The following RORA variants were observed in gnomAD, a reference collection of about 807,000 sequenced individuals.
The protein encoded by RORA is nuclear receptor ROR-alpha.
Under a neutral mutation model 69.5 loss-of-function variants are expected in RORA, and 7 were observed. The ratio of observed to expected loss-of-function variants is 0.10; its 90% CI spans 0.06 to 0.19. The LOEUF is 0.19. Among genes scored for constraint, RORA ranks in the 10% least tolerant of loss-of-function variants. RORA has a pLI of 1.00. For missense variants in RORA, 457 were observed against 663.0 expected (o/e 0.69, Z 3.41); for synonymous variants, 261 against 240.8 (o/e 1.08, Z -0.78).
intron 1 of RORA, among the ~76,000 whole-genome samples, chr15:60,828,453 G>T (rs535712609): frequency 1.3e-5 from 2 of 152,192 alleles, no homozygotes; most frequent in Admixed American, 1.3e-4. Flanking sequence ...TCTAGTGCAC[G>T]TAAAGTCTGG....
intron 2 of RORA, among the ~76,000 whole-genome samples, chr15:60,582,552 G>A (rs967082276): frequency 6.6e-6 from 1 of 152,144 alleles, no homozygotes; most frequent in African/African-American, 2.4e-5. Context: ...TATGTAGGGG[G>A]GTTTCCACTA....
intron 1 of RORA, among the ~76,000 whole-genome samples, chr15:60,752,186 A>G (rs560523821): frequency 6.6e-6 from 1 of 152,250 alleles, no homozygotes; most frequent in South Asian, 2.1e-4. Context: ...GGCAGAGAGA[A>G]GCGTCTTAGA....
At chr15:60,746,043 C>T (rs1259302771) in intron 1 of RORA, among the ~76,000 whole-genome samples, 3 of 152,190 alleles carry the variant, frequency 2.0e-5, no homozygotes, top group African/African-American at 7.2e-5. Flanking sequence ...CTGCTGAGTG[C>T]CTTACAGAAT....
At chr15:60,985,625 A>G (rs111965421) in intron 1 of RORA, among the ~76,000 whole-genome samples, 30,322 of 129,582 alleles carry the variant, frequency 0.23, 3,474 homozygotes, top group Middle Eastern at 0.34. Context: ...TCACTCTGTC[A>G]CGAGGCTGGA....
intron 1 of RORA, among the ~76,000 whole-genome samples, chr15:60,974,619 T>C (rs1447010871): frequency 2.0e-5 from 3 of 152,192 alleles, no homozygotes; most frequent in Non-Finnish European, 4.4e-5. Context: ...TCTAAAGGCC[T>C]CATTCATTCC....
At chr15:60,622,773 TG>T (rs1254306899) in intron 2 of RORA, among the ~76,000 whole-genome samples, 6 of 152,166 alleles carry the variant, frequency 3.9e-5, no homozygotes, top group Non-Finnish European at 2.9e-5. Flanking sequence ...TGGGGTGCAG[TG>T]GCAAAATCTT....
chr15:60,495,081 C>CA lies in RORA; in HGVS notation c.*2373dup, dbSNP rs1160585173. 5 of 151,064 alleles carry CA rather than the reference C, an allele frequency of 3.3e-5. No homozygotes were observed. The highest frequency in any genetic ancestry group is 1.9e-4 in the East Asian group (1 of 5,170). The allele number at this position is 151,064 out of a possible 1,614,324, so 9.4% of individuals were successfully genotyped here. On this transcript the variant is annotated 3_prime_UTR_variant, in exon 11 of 11. Transcript: ENST00000335670. ...CCCCAAATTTAGTGAATCTGAATGA[C>CA]AAAAAAACAAAACAAAACCAAAACC...
intron 1 of RORA, among the ~76,000 whole-genome samples, chr15:60,757,298 C>G (rs146417817): frequency 7.2e-5 from 11 of 152,210 alleles, no homozygotes; most frequent in Non-Finnish European, 1.5e-4. Context: ...TTCTTTTCCT[C>G]AAATCCATAA....
At chr15:60,785,680 A>G (rs1257094154) in intron 1 of RORA, among the ~76,000 whole-genome samples, 1 of 152,162 alleles carries the variant, frequency 6.6e-6, no homozygotes, top group Non-Finnish European at 1.5e-5. Context: ...CCTCAAATAC[A>G]TAATCCTTCC....
chr15:60,536,057 C>T (rs1407268017), intron 2 of RORA, among the ~76,000 whole-genome samples: 1 of 152,170 alleles, frequency 6.6e-6, no homozygotes, highest in African/African-American at 2.4e-5. Flanking sequence ...CATCAACCTT[C>T]TAGGCCACTG....
At chr15:60,761,942 A>C (rs2071900225) in intron 1 of RORA, among the ~76,000 whole-genome samples, 1 of 152,186 alleles carries the variant, frequency 6.6e-6, no homozygotes, top group Non-Finnish European at 1.5e-5. Flanking sequence ...AATGAAAAAA[A>C]AAAAGTCTAG....
intron 1 of RORA, among the ~76,000 whole-genome samples, chr15:60,813,380 G>C (rs2072769393): frequency 6.6e-6 from 1 of 152,212 alleles, no homozygotes; most frequent in Non-Finnish European, 1.5e-5. Context: ...GGTTGTGCAT[G>C]ACGGGCTGTG....
At chr15:61,215,022 G>A (rs1309826097) in intron 1 of RORA, among the ~76,000 whole-genome samples, 8 of 139,608 alleles carry the variant, frequency 5.7e-5, no homozygotes, top group East Asian at 2.1e-4. Flanking sequence ...CCGCCACCAC[G>A]CCCAGCTAAT....
chr15:60,678,518 A>G, intron 2 of RORA, 139 bp downstream of exon 2: 1 of 708,828 alleles, frequency 1.4e-6, no homozygotes, highest in Non-Finnish European at 2.5e-6. Flanking sequence ...CGACCACTAC[A>G]GATTGAAAAA....
intron 1 of RORA, among the ~76,000 whole-genome samples, chr15:60,998,046 A>G (rs1894616117): frequency 1.3e-5 from 2 of 152,254 alleles, no homozygotes; most frequent in South Asian, 4.1e-4. Context: ...AATCCACTCT[A>G]GAGACCAATA....
intron 2 of RORA, among the ~76,000 whole-genome samples, chr15:60,622,382 G>A (rs144638148): frequency 1.4e-4 from 21 of 152,260 alleles, no homozygotes; most frequent in African/African-American, 4.6e-4. Context: ...GGAGGCTGAG[G>A]TGGGCAGATT....
chr15:60,510,939 A>G (rs2065676550), intron 5 of RORA, among the ~76,000 whole-genome samples: 1 of 152,144 alleles, frequency 6.6e-6, no homozygotes, highest in South Asian at 2.1e-4. Context: ...ACCACTAATG[A>G]AGTTAATGTA....
At chr15:60,877,699 C>A (rs1442053671) in intron 1 of RORA, among the ~76,000 whole-genome samples, 6 of 152,064 alleles carry the variant, frequency 3.9e-5, no homozygotes, top group Admixed American at 3.9e-4. Flanking sequence ...CAATCAAGAT[C>A]CATATTAATG....
intron 1 of RORA, among the ~76,000 whole-genome samples, chr15:60,792,277 G>C (rs890103424): frequency 1.3e-5 from 2 of 152,088 alleles, no homozygotes; most frequent in African/African-American, 4.8e-5. Flanking sequence ...AAATAATGAA[G>C]AAGAGTGAAC....
Sources: gnomAD v4.1 joint callset for allele counts (sites outside exome capture counted in the v4.1 genomes callset) on GRCh38, gnomAD v4.1.1 for gene constraint, MANE v1.5 for transcripts, NCBI Gene and HGNC (gene_info 2026-07-23, HGNC 2026-07-21) for gene names.